LBH: variants seen among roughly 807,000 people sequenced by gnomAD.
LBH encodes the protein protein LBH.
A neutral mutation model predicts 12.5 loss-of-function variants in LBH; 7 were observed. The ratio of observed to expected loss-of-function variants is 0.56; its 90% confidence interval spans 0.32 to 1.05. LBH has a LOEUF of 1.05. Ranked by LOEUF, LBH falls within the 50% of genes least tolerant of loss-of-function variation. LBH has a pLI of 0.04. For synonymous variants in LBH, 51 were observed against 50.1 expected, an observed-to-expected ratio of 1.02 and a Z score of -0.08; for missense variants, 119 against 138.9, an observed-to-expected ratio of 0.86 and a Z score of 0.72.
chr2:30,241,448 T>TTTCC, intron 2 of LBH, among the ~76,000 whole-genome samples: 1 of 149,360 alleles, frequency 6.7e-6, no homozygotes, highest in East Asian at 1.9e-4. Context: ...TCTATTTTTA[T>TTTCC]TTTCTTTCTT....
At chr2:30,241,003 G>A (rs1677780036) in intron 2 of LBH, among the ~76,000 whole-genome samples, 1 of 152,218 alleles carries the variant, frequency 6.6e-6, no homozygotes, top group South Asian at 2.1e-4. Context: ...TCTTGATTTG[G>A]TGGTTCCCAA....
chr2:30,241,627 T>G (rs961085539), intron 2 of LBH, among the ~76,000 whole-genome samples: 6 of 151,950 alleles, frequency 3.9e-5, no homozygotes, highest in African/African-American at 1.2e-4. Flanking sequence ...GCCGGGCTAA[T>G]TTTTGTATTT....
chr2:30,252,634 C>A (rs1306727892), intron 2 of LBH, among the ~76,000 whole-genome samples: 1 of 152,076 alleles, frequency 6.6e-6, no homozygotes. Flanking sequence ...TGCACTCCAG[C>A]CTGGGTGACA....
chr2:30,258,799 TC>T lies in LBH; in HGVS notation c.*1179del, dbSNP rs1388761906. On this transcript the variant is annotated 3_prime_UTR_variant, in exon 3 of 3. Transcript: ENST00000395323. ...CAAGGCTGTCGTGGCAACCTTGGGA[TC>T]GAGTTTGAGACTAAAGGATGTCATG... is the stretch of plus-strand genomic sequence containing the variant. The T allele has an allele frequency of 1.3e-5, 2 of 152,120 alleles. No homozygotes were observed. Among genetic ancestry groups the T allele is most frequent in the African/African-American group, 2.4e-5 (1 of 41,380 alleles). 9.4% of individuals were successfully genotyped at this position (152,120 alleles called of 1,614,324 possible).
At chr2:30,232,195 G>T in intron 1 of LBH, 1 of 1,535,606 alleles carries the variant, frequency 6.5e-7, no homozygotes, top group Non-Finnish European at 8.8e-7. Flanking sequence ...CGGCAGCAGC[G>T]GGGCTGAGCT....
In LBH at chr2:30,231,653, C is replaced by G; in HGVS notation, c.-86C>G. 1.5e-6 allele frequency: 2 copies of G among 1,372,772 alleles called. No individual in the cohort carries two copies. The highest frequency in any genetic ancestry group is 2.5e-5 in the East Asian group (1 of 40,670). 85.0% of individuals were successfully genotyped at this position (1,372,772 alleles called of 1,614,324 possible). On this transcript the variant is annotated 5_prime_UTR_variant, in exon 1 of 3. Coordinates refer to ENST00000395323, the MANE Select transcript of LBH (RefSeq NM_030915.4). ...TGTCCGCACTCGGCCGCCTGCCGTG[C>G]CCGTCTGCGCCCGTGTCATCCTCAC...
At chr2:30,232,238 G>C (rs761849277) in intron 1 of LBH, 2 of 812,006 alleles carry the variant, frequency 2.5e-6, no homozygotes, top group East Asian at 5.9e-5. Flanking sequence ...AGCTCCGGGG[G>C]GGTGGGGGGC....
chr2:30,244,120 A>G (rs71444454), intron 2 of LBH, among the ~76,000 whole-genome samples: 4,425 of 152,338 alleles, frequency 0.029, 96 homozygotes, highest in Middle Eastern at 0.078. Flanking sequence ...GTATGTGGAC[A>G]TAACAGGGAT....
At chr2:30,232,339 C>G in intron 1 of LBH, 1 of 1,213,608 alleles carries the variant, frequency 8.2e-7, no homozygotes, top group Non-Finnish European at 1.1e-6. Flanking sequence ...CTCCACCGCC[C>G]CTAAAAACCG....
intron 2 of LBH, among the ~76,000 whole-genome samples, chr2:30,247,263 T>A (rs777353665): frequency 3.9e-5 from 6 of 152,224 alleles, no homozygotes; most frequent in Non-Finnish European, 8.8e-5. Context: ...TTCTGATCAT[T>A]TGGAAAATAT....
At chr2:30,236,527 C>T (rs754382333) in intron 2 of LBH, among the ~76,000 whole-genome samples, 1 of 152,222 alleles carries the variant, frequency 6.6e-6, no homozygotes. Context: ...AACTTCAGAG[C>T]ACTCTGGTCA....
At chr2:30,237,516 C>T (rs1431929879) in intron 2 of LBH, among the ~76,000 whole-genome samples, 1 of 152,148 alleles carries the variant, frequency 6.6e-6, no homozygotes, top group Non-Finnish European at 1.5e-5. Flanking sequence ...TCTTTGTACC[C>T]TGCCCCCACC....
At chr2:30,235,895 G>A (rs1228356020) in intron 2 of LBH, among the ~76,000 whole-genome samples, 1 of 152,038 alleles carries the variant, frequency 6.6e-6, no homozygotes, top group African/African-American at 2.4e-5. Flanking sequence ...GGGGTGTGTG[G>A]AGCAAGGGGG....
At chr2:30,231,967 A>G (rs1677594404) in intron 1 of LBH, among the ~76,000 whole-genome samples, 1 of 151,362 alleles carries the variant, frequency 6.6e-6, no homozygotes, top group South Asian at 2.1e-4. Context: ...ACATCCAGAC[A>G]AAGGACGTGA....
chr2:30,254,904 G>A (rs1678053452), intron 2 of LBH, among the ~76,000 whole-genome samples: 1 of 152,250 alleles, frequency 6.6e-6, no homozygotes, highest in African/African-American at 2.4e-5. Context: ...CTGGGCTGGG[G>A]CCCTCACAGC....
At chr2:30,232,295 AG>A in intron 1 of LBH, 1 of 1,458,786 alleles carries the variant, frequency 6.9e-7, no homozygotes, top group Non-Finnish European at 9.1e-7. Flanking sequence ...CACAAGCAGC[AG>A]GGCACGCGCT....
intron 1 of LBH, chr2:30,232,026 CG>C: frequency 1.6e-6 from 2 of 1,269,746 alleles, no homozygotes. Flanking sequence ...TATTGGTTGG[CG>C]GGGGAGCCAG....
chr2:30,238,885 CTTTTTT>C (rs367954684), intron 2 of LBH, among the ~76,000 whole-genome samples: 1 of 98,042 alleles, frequency 1.0e-5, no homozygotes, highest in African/African-American at 3.9e-5. Context: ...CCTCCCCACT[CTTTTTT>C]TTTTTTTTTT....
intron 2 of LBH, among the ~76,000 whole-genome samples, chr2:30,253,368 T>C (rs1301234836): frequency 6.6e-6 from 1 of 152,190 alleles, no homozygotes; most frequent in Non-Finnish European, 1.5e-5. Context: ...CTGGGTACTT[T>C]TTGTGTTTGG....
Sources: gnomAD v4.1 joint callset for allele counts (sites outside exome capture counted in the v4.1 genomes callset) on GRCh38, gnomAD v4.1.1 for gene constraint, MANE v1.5 for transcripts, NCBI Gene and HGNC (gene_info 2026-07-23, HGNC 2026-07-21) for gene names.